Variants in C5orf22 observed in about 807,000 individuals in gnomAD.
C5orf22 encodes UPF0489 protein C5orf22.
C5orf22 carries 36 observed loss-of-function variants against 48.7 expected under a neutral mutation model. The ratio of observed to expected loss-of-function variants is 0.74; its 90% CI spans 0.57 to 0.98. The LOEUF (loss-of-function observed/expected upper bound fraction) is 0.98. Ranked by LOEUF, C5orf22 falls within the 50% of genes least tolerant of loss-of-function variation. C5orf22 has a pLI of 0.00. For missense variants in C5orf22, 486 were observed against 521.9 expected, an observed-to-expected ratio of 0.93 and a Z score of 0.67; for synonymous variants, 141 against 180.8, an observed-to-expected ratio of 0.78 and a Z score of 1.76.
In C5orf22 at chr5:31,537,217, G is replaced by A. The variant is rs756736167; in HGVS notation, c.378-1043G>A. On this transcript the variant is annotated intron_variant, in intron 3 of 8. Transcript: ENST00000325366. ...CTGACACAGACATTTGAAACTCCACGTGTGATTAACAATTTTGGAAGATTT... is the reference window on the plus strand; with the variant it reads ...CTGACACAGACATTTGAAACTCCACATGTGATTAACAATTTTGGAAGATTT... 6.6e-5 allele frequency among the ~76,000 whole-genome samples: 10 copies of A among 152,234 alleles called. No homozygotes were observed. The East Asian group carries it at 7.7e-4, about 12-fold the overall frequency.
chr5:31,534,484 T>C, intron 2 of C5orf22, 67 bp downstream of exon 2: 1 of 1,399,542 alleles, frequency 7.1e-7, no homozygotes, highest in Non-Finnish European at 9.8e-7. Flanking sequence ...AATAAGCAAT[T>C]ATAGGAAATA....
intron 7 of C5orf22, among the ~76,000 whole-genome samples, chr5:31,550,602 G>A (rs902657357): frequency 6.6e-6 from 1 of 151,778 alleles, no homozygotes; most frequent in African/African-American, 2.4e-5. Flanking sequence ...TTTCGCTCTT[G>A]TTGCCCAGGC....
chr5:31,549,075 C>T (rs777259753), intron 7 of C5orf22, among the ~76,000 whole-genome samples: 5 of 152,048 alleles, frequency 3.3e-5, no homozygotes, highest in South Asian at 2.1e-4. Flanking sequence ...CAAAATTAGC[C>T]GGGCGTGGTG....
Position 31,532,306 on chromosome 5 carries a change from G to C in C5orf22, c.-87G>C. 2 of 1,396,876 alleles carry C rather than the reference G, an allele frequency of 1.4e-6. No individual in the cohort carries two copies. Among genetic ancestry groups the C allele is most frequent in the Non-Finnish European group, 2.0e-6 (2 of 986,062 alleles). The allele number at this position is 1,396,876 out of a possible 1,614,324, so 86.5% of individuals were successfully genotyped here. A position where few individuals can be genotyped will look rare whatever the true frequency, so the allele number is the denominator to read the frequency against. On this transcript the variant is annotated 5_prime_UTR_variant, in exon 1 of 9. Transcript: ENST00000325366. ...CCGGGTGAGGGAGCGCTTCCGCCCG[G>C]AGAGAGCTGGCCGGGATGAGGCGCC...
At chr5:31,536,572 A>G (rs1433647343) in intron 3 of C5orf22, among the ~76,000 whole-genome samples, 1 of 152,162 alleles carries the variant, frequency 6.6e-6, no homozygotes, top group African/African-American at 2.4e-5. Flanking sequence ...TTAGCAGTGA[A>G]AGGGCAAAAT....
chr5:31,554,322 G>C lies in C5orf22; in HGVS notation c.*1420G>C, dbSNP rs768370640. The C allele has an allele frequency of 1.3e-5, 2 of 152,132 alleles. No individual in the cohort carries two copies. Among genetic ancestry groups the C allele is most frequent in the Non-Finnish European group, 2.9e-5 (2 of 68,036 alleles). 9.4% of individuals were successfully genotyped at this position (152,132 alleles called of 1,614,324 possible). A position where few individuals can be genotyped will look rare whatever the true frequency, so the allele number is the denominator to read the frequency against. On this transcript the variant is annotated 3_prime_UTR_variant, in exon 9 of 9. Coordinates refer to ENST00000325366, the MANE Select transcript of C5orf22 (RefSeq NM_018356.3). ...AAATTATAGTGTGCTGCCTAACTTT[G>C]TGCTAATAACGAAGGACACACATTA...
At chr5:31,549,610 T>C (rs1277574506) in intron 7 of C5orf22, among the ~76,000 whole-genome samples, 1 of 152,146 alleles carries the variant, frequency 6.6e-6, no homozygotes, top group Non-Finnish European at 1.5e-5. Flanking sequence ...GAGCAGTGGC[T>C]CATACCTGTA....
At chr5:31,548,074 G>A (rs531995593) in intron 7 of C5orf22, among the ~76,000 whole-genome samples, 46 of 152,290 alleles carry the variant, frequency 3.0e-4, no homozygotes, top group African/African-American at 1.1e-3. Flanking sequence ...GGCCAAGGCT[G>A]GCGGATCATT....
chr5:31,533,682 T>C (rs1037546342), intron 1 of C5orf22, among the ~76,000 whole-genome samples: 2 of 151,952 alleles, frequency 1.3e-5, no homozygotes, highest in African/African-American at 4.8e-5. Flanking sequence ...ATTCTAAGTG[T>C]ACCAAAAAGA....
intron 6 of C5orf22, among the ~76,000 whole-genome samples, chr5:31,544,571 GAGACTCTTGTCTCA>G (rs1232768859): frequency 6.6e-6 from 1 of 151,006 alleles, no homozygotes; most frequent in African/African-American, 2.4e-5. Flanking sequence ...GCAACAGAGT[GAGACTCTTGTCTCA>G]AAAAAAAAAA....
Position 31,535,854 on chromosome 5 carries a change from A to C in C5orf22, c.338A>C (p.His113Pro). 1 of 1,613,560 alleles carries C rather than the reference A, an allele frequency of 6.2e-7. No homozygotes were observed. The highest frequency in any genetic ancestry group is 1.3e-5 in the African/African-American group (1 of 75,026). The stretch of plus-strand genomic sequence containing the variant: ...CAGCAGATCAGAGAGGGCAGACACC[A>C]CTTTTTAGTAGGCAAAGACACTTCT... ...WAQQIREGRHHFLVGKDTSTT... is the reference protein window; with the variant it reads ...WAQQIREGRHPFLVGKDTSTT... Residue 113 changes from histidine to proline, a missense_variant, in exon 3 of 9, where the codon CAC becomes CCC. Transcript: ENST00000325366.
chr5:31,552,644 T>C (rs1580466416), intron 8 of C5orf22, 129 bp from the exon 9 acceptor site: 6 of 722,752 alleles, frequency 8.3e-6, no homozygotes, highest in Admixed American at 2.8e-5. Context: ...TAGCTTTCAA[T>C]TGATATTAAT....
chr5:31,551,264 AGTGTAATTTTTAATT>A lies in C5orf22; in HGVS notation c.1060-26_1060-12del. ...AAGCTTATAAAAACAACTGTCATAC[AGTGTAATTTTTAATT>A]GTCTTATTTTCAGGTTCACCAGGCT... On this transcript the variant is annotated splice_polypyrimidine_tract_variant and intron_variant, in intron 7 of 8. Transcript: ENST00000325366. 6.2e-7 allele frequency: 1 copy of A among 1,608,368 alleles called. No homozygotes were observed. The highest frequency in any genetic ancestry group is 1.1e-5 in the South Asian group (1 of 90,024).
rs1480655501 is a variant in C5orf22 at position 31,539,625 on chromosome 5, G to C, written c.807+936G>C. ...AGGAAACCTGGGAACACAAGGATTT[G>C]TATAGCCTAAATACCCTTTGGTACA... is the stretch of plus-strand genomic sequence containing the variant. On this transcript the variant is annotated intron_variant, in intron 4 of 8. Coordinates refer to ENST00000325366, the MANE Select transcript of C5orf22 (RefSeq NM_018356.3). 2.0e-5 allele frequency among the ~76,000 whole-genome samples: 3 copies of C among 152,174 alleles called. No homozygotes were observed. The East Asian group carries it at 5.8e-4, about 29-fold the overall frequency.
intron 8 of C5orf22, 124 bp downstream of exon 8, chr5:31,551,556 A>G: frequency 1.4e-6 from 1 of 729,996 alleles, no homozygotes; most frequent in Non-Finnish European, 2.3e-6. Flanking sequence ...AAGGATTTTG[A>G]GATGAGATTA....
intron 1 of C5orf22, among the ~76,000 whole-genome samples, 163 bp downstream of exon 1, chr5:31,532,636 G>C (rs962764133): frequency 1.3e-5 from 2 of 152,070 alleles, no homozygotes; most frequent in East Asian, 3.9e-4. Context: ...AGCTAACTAG[G>C]AAGAATGAGA....
At chr5:31,543,522 A>C (rs1225996736) in intron 6 of C5orf22, among the ~76,000 whole-genome samples, 1 of 152,120 alleles carries the variant, frequency 6.6e-6, no homozygotes, top group Admixed American at 6.5e-5. Context: ...GTGAGCTGAG[A>C]TCGCACCACT....
chr5:31,536,001 G>A, intron 3 of C5orf22, 108 bp downstream of exon 3: 2 of 1,071,780 alleles, frequency 1.9e-6, no homozygotes, highest in East Asian at 2.7e-5. Context: ...GTCAGATTAA[G>A]CCTCGACTTC....
At position 31,532,466 on chromosome 5, in the gene C5orf22, A is replaced by C; in HGVS notation, c.74A>C (p.His25Pro). Residue 25 changes from histidine to proline, a missense_variant, in exon 1 of 9, where the codon CAT becomes CCT. Physicochemically the swap from His to Pro is moderately conservative, Grantham distance 77. This residue lies in a region of C5orf22 where 74 missense variants were observed against 61.2 expected (regional missense o/e 1.21). Transcript: ENST00000325366. ...PKLPVWVVED[H>P]QEVLPFIYRA... ...CTCCCAGTGTGGGTGGTGGAGGATC[A>C]TCAGGAGGTGAGCGGACGGCAACAG... The C allele has an allele frequency of 6.2e-7, 1 of 1,613,538 alleles. No individual in the cohort carries two copies. The highest frequency in any genetic ancestry group is 8.5e-7 in the Non-Finnish European group (1 of 1,179,638).
Sources: gnomAD v4.1 joint callset for allele counts (sites outside exome capture counted in the v4.1 genomes callset) on GRCh38, gnomAD v4.1.1 for gene constraint, gnomAD v4.1.1 regional missense constraint, MANE v1.5 for transcripts, NCBI Gene and HGNC (gene_info 2026-07-23, HGNC 2026-07-21) for gene names.